The following CAMK2B variants were observed in gnomAD, a reference collection of about 807,000 sequenced individuals.
CAMK2B encodes calcium/calmodulin dependent protein kinase II beta, also known as calcium/calmodulin-dependent protein kinase type II subunit beta.
CAMK2B carries 27 observed loss-of-function variants against 93.7 expected under a neutral mutation model. The observed-to-expected ratio is 0.29, with a 90% CI of 0.21 to 0.40. The LOEUF is 0.40. Among genes scored for constraint, CAMK2B ranks in the 10% least tolerant of loss-of-function variants. CAMK2B has a pLI of 1.00. For synonymous variants in CAMK2B, 374 were observed against 358.8 expected, an observed-to-expected ratio of 1.04 and a Z score of -0.48; for missense variants, 568 against 895.8, an observed-to-expected ratio of 0.63 and a Z score of 4.67.
intron 2 of CAMK2B, among the ~76,000 whole-genome samples, chr7:44,269,603 G>A (rs1254574290): frequency 6.6e-6 from 1 of 152,050 alleles, no homozygotes; most frequent in African/African-American, 2.4e-5. Context: ...ACAGGAGGGC[G>A]TGGGTGGGCA....
intron 2 of CAMK2B, among the ~76,000 whole-genome samples, chr7:44,277,877 A>G (rs2097063334): frequency 9.2e-5 from 14 of 152,084 alleles, no homozygotes; most frequent in Admixed American, 9.2e-4. Flanking sequence ...CTCCCTGAAT[A>G]GCAGTGGGGA....
intron 1 of CAMK2B, among the ~76,000 whole-genome samples, chr7:44,317,818 C>T (rs939715471): frequency 3.3e-5 from 5 of 152,060 alleles, no homozygotes; most frequent in African/African-American, 1.2e-4. Context: ...AAATTCATGC[C>T]TAGGTGGGCT....
intron 1 of CAMK2B, among the ~76,000 whole-genome samples, chr7:44,322,531 A>T (rs904594841): frequency 5.3e-5 from 8 of 152,248 alleles, no homozygotes; most frequent in Non-Finnish European, 1.0e-4. Context: ...TAAAAAAAAT[A>T]AAAACTGCAC....
chr7:44,240,829 C>G, intron 11 of CAMK2B, 80 bp from the exon 12 acceptor site: 1 of 1,440,984 alleles, frequency 6.9e-7, no homozygotes, highest in South Asian at 1.2e-5. Flanking sequence ...GACCCCTGTC[C>G]TCCTGCCCAG....
intron 12 of CAMK2B, 41 bp downstream of exon 12, chr7:44,240,666 G>A (rs1224889222): frequency 1.2e-6 from 2 of 1,610,164 alleles, no homozygotes; most frequent in East Asian, 2.2e-5. Context: ...GGGCCAGCAG[G>A]GAGGGGGCAG....
In CAMK2B at chr7:44,232,811, T is replaced by A; in HGVS notation, c.1176+11A>T. On this transcript the variant is annotated intron_variant, in intron 16 of 23. Transcript: ENST00000395749. ...CCTGGGGAAAGCGGGAGGAGGAAAG[T>A]GGGGCAGTACCTTAATCCCGTCCAC... The A allele has an allele frequency of 6.2e-7, 1 of 1,613,440 alleles. No individual in the cohort carries two copies.
chr7:44,239,625 C>A lies in CAMK2B; in HGVS notation c.985G>T (p.Ala329Ser), dbSNP rs1317099616. ...AGCCCCATGGTGGTGCCGGAGGCCG[C>A]GGTGGACATTGTGGCCGGAGCGGTG... ...QTTAPATMST[A>S]ASGTTMGLVE... The change falls in exon 13 of 24, where the codon GCG becomes TCG. Residue 329 changes from alanine to serine, a missense_variant. Coordinates refer to ENST00000395749, the MANE Select transcript of CAMK2B (RefSeq NM_001220.5). 2 of 1,476,724 alleles carry A rather than the reference C, an allele frequency of 1.4e-6. No individual in the cohort carries two copies. Among genetic ancestry groups the A allele is most frequent in the Non-Finnish European group, 1.8e-6 (2 of 1,103,172 alleles). The allele number at this position is 1,476,724 out of a possible 1,614,324, so 91.5% of individuals were successfully genotyped here.
chr7:44,247,239 G>T (rs765363482), intron 5 of CAMK2B, 47 bp from the exon 6 acceptor site: 1 of 1,507,774 alleles, frequency 6.6e-7, no homozygotes, highest in East Asian at 2.3e-5. Flanking sequence ...CTGGGGAGCA[G>T]CAAGAGGAGG....
intron 1 of CAMK2B, among the ~76,000 whole-genome samples, chr7:44,302,023 A>T (rs143571497): frequency 1.4e-3 from 211 of 152,336 alleles, no homozygotes; most frequent in African/African-American, 4.8e-3. Flanking sequence ...TAAGGAAAAA[A>T]GAGAAAAGAG....
chr7:44,259,909 C>T (rs1272440897), intron 3 of CAMK2B, among the ~76,000 whole-genome samples: 3 of 152,170 alleles, frequency 2.0e-5, no homozygotes, highest in Non-Finnish European at 4.4e-5. Context: ...TTCCCAACCA[C>T]CCCGAGAAGT....
chr7:44,300,351 A>G (rs913946519), intron 1 of CAMK2B, among the ~76,000 whole-genome samples: 1 of 152,022 alleles, frequency 6.6e-6, no homozygotes, highest in African/African-American at 2.4e-5. Flanking sequence ...TAGTAGAGAC[A>G]CGGTGTTGCT....
rs1443824798 is a variant in CAMK2B at position 44,242,320 on chromosome 7, G to A, written c.717C>T (p.Asp239=). 6.2e-7 allele frequency: 1 copy of A among 1,614,016 alleles called. No individual in the cohort carries two copies. Among genetic ancestry groups the A allele is most frequent in the East Asian group, 2.2e-5 (1 of 44,882 alleles). The change falls in exon 10 of 24, where the codon GAC becomes GAT. Residue 239 remains aspartate, a synonymous_variant. Transcript: ENST00000395749. ...GAYDFPSPEW[D]TVTPEAKNLI... ...GGTTTTTGGCTTCAGGAGTGACGGT[G>A]TCCCACTCAGGGGACGGGAACTGCA...
rs115514043 is a variant in CAMK2B at position 44,272,569 on chromosome 7, C to T, written c.161-9505G>A. On this transcript the variant is annotated intron_variant, in intron 2 of 23. Transcript: ENST00000395749. ...CACCTGTGGACACATCCTGCAGCTGCCTGCTGCCTCAAGGTCAGGGCTCCC... is the reference window on the plus strand; with the variant it reads ...CACCTGTGGACACATCCTGCAGCTGTCTGCTGCCTCAAGGTCAGGGCTCCC... Among the ~76,000 whole-genome samples, 1,228 of 152,362 alleles carry T rather than the reference C, an allele frequency of 8.1e-3. 14 individuals are homozygous for T. Among genetic ancestry groups the T allele is most frequent in the African/African-American group, 0.028 (1,173 of 41,576 alleles).
intron 13 of CAMK2B, among the ~76,000 whole-genome samples, chr7:44,236,520 G>A (rs2096627674): frequency 6.6e-6 from 1 of 152,170 alleles, no homozygotes. Flanking sequence ...ATGTCCCAAG[G>A]CAGCCCTGCC....
chr7:44,259,919 T>A (rs938056109), intron 3 of CAMK2B, among the ~76,000 whole-genome samples: 6 of 150,858 alleles, frequency 4.0e-5, no homozygotes, highest in Admixed American at 2.6e-4. Context: ...CCCCGAGAAG[T>A]TACAGATGAG....
intron 1 of CAMK2B, among the ~76,000 whole-genome samples, chr7:44,285,664 C>T (rs1584604750): frequency 6.6e-6 from 1 of 151,864 alleles, no homozygotes; most frequent in Admixed American, 6.6e-5. Context: ...TCTAATTGAA[C>T]ATTTTCTTAA....
At chr7:44,277,031 C>T (rs1393159669) in intron 2 of CAMK2B, among the ~76,000 whole-genome samples, 4 of 152,128 alleles carry the variant, frequency 2.6e-5, no homozygotes, top group Admixed American at 1.3e-4. Flanking sequence ...CAGCATGGGC[C>T]GCTAACCAGG....
intron 20 of CAMK2B, 31 bp downstream of exon 20, chr7:44,226,485 C>T (rs777557408): frequency 5.4e-5 from 75 of 1,379,342 alleles, no homozygotes; most frequent in Admixed American, 1.6e-4. Context: ...TCCGGGCAGC[C>T]GCTGCCACGG....
intron 1 of CAMK2B, among the ~76,000 whole-genome samples, chr7:44,315,704 T>G (rs1020112399): frequency 6.6e-6 from 1 of 152,214 alleles, no homozygotes; most frequent in Non-Finnish European, 1.5e-5. Context: ...GAACATGGGA[T>G]GTCTTTCCAT....
Sources: allele counts gnomAD v4.1 joint callset (sites outside exome capture counted in the v4.1 genomes callset), GRCh38; gene constraint gnomAD v4.1.1; transcripts MANE v1.5; gene names NCBI Gene and HGNC (gene_info 2026-07-23, HGNC 2026-07-21).